The following ABCB5 variants were observed in gnomAD, a reference collection of about 807,000 sequenced individuals.
The protein encoded by ABCB5 is ATP-binding cassette sub-family B member 5.
A neutral mutation model predicts 144.2 loss-of-function variants in ABCB5; 155 were observed. The observed-to-expected ratio is 1.08, with a 90% CI of 0.94 to 1.23. The LOEUF (loss-of-function observed/expected upper bound fraction) is 1.23. Among genes scored for constraint, ABCB5 ranks in the 50% most tolerant of loss-of-function variants. The pLI, the probability that ABCB5 is intolerant of heterozygous loss-of-function variation, is 0.00. For synonymous variants in ABCB5, 610 were observed against 528.6 expected (o/e 1.15, Z -2.11); for missense variants, 1,830 against 1,520.8 (o/e 1.20, Z -3.38).
chr7:20,684,472 G>T (rs547509587), intron 15 of ABCB5, among the ~76,000 whole-genome samples: 40 of 152,246 alleles, frequency 2.6e-4, no homozygotes, highest in African/African-American at 8.7e-4. Flanking sequence ...AGCCAAACAA[G>T]GCAGGACATG....
At chr7:20,710,381 A>AAGGGGG (rs1242291728) in intron 20 of ABCB5, among the ~76,000 whole-genome samples, 1 of 56,730 alleles carries the variant, frequency 1.8e-5, no homozygotes, top group Non-Finnish European at 3.1e-5. Flanking sequence ...AAAAAAAAAA[A>AAGGGGG]GTGGGGGGGG....
intron 5 of ABCB5, among the ~76,000 whole-genome samples, chr7:20,638,525 C>A (rs1784213232): frequency 6.6e-6 from 1 of 152,166 alleles, no homozygotes; most frequent in African/African-American, 2.4e-5. Flanking sequence ...TATTCCCATG[C>A]CCAGCTTGAG....
chr7:20,693,472 A>G (rs1397606448), intron 16 of ABCB5, among the ~76,000 whole-genome samples: 1 of 152,186 alleles, frequency 6.6e-6, no homozygotes, highest in Admixed American at 6.6e-5. Context: ...TGAAATATTT[A>G]TAAACTACAT....
At chr7:20,725,029 GT>G (rs1459652894) in intron 21 of ABCB5, among the ~76,000 whole-genome samples, 4 of 152,056 alleles carry the variant, frequency 2.6e-5, no homozygotes, top group Admixed American at 6.6e-5. Context: ...GCCTAATTAT[GT>G]TTTCCTCATC....
chr7:20,692,219 G>A (rs1786253412), intron 16 of ABCB5, among the ~76,000 whole-genome samples: 2 of 151,864 alleles, frequency 1.3e-5, no homozygotes, highest in Non-Finnish European at 1.5e-5. Flanking sequence ...CAATGTTAAG[G>A]AGAAAACTAC....
chr7:20,653,646 C>T (rs559465904), intron 13 of ABCB5, among the ~76,000 whole-genome samples: 24 of 152,268 alleles, frequency 1.6e-4, no homozygotes, highest in African/African-American at 5.8e-4. Flanking sequence ...GAACACTGAG[C>T]TGAAAGGCAA....
intron 21 of ABCB5, among the ~76,000 whole-genome samples, chr7:20,725,018 G>A (rs1333162765): frequency 1.3e-5 from 2 of 151,996 alleles, no homozygotes; most frequent in Non-Finnish European, 2.9e-5. Flanking sequence ...AAATTAATGA[G>A]GCCTAATTAT....
At chr7:20,658,809 C>A in intron 14 of ABCB5, 133 bp downstream of exon 14, 1 of 1,132,776 alleles carries the variant, frequency 8.8e-7, no homozygotes, top group Non-Finnish European at 1.2e-6. Flanking sequence ...GATGTTAATC[C>A]ACTGAGAACT....
intron 15 of ABCB5, among the ~76,000 whole-genome samples, chr7:20,684,988 C>G (rs547868233): frequency 3.3e-4 from 51 of 152,286 alleles, no homozygotes; most frequent in African/African-American, 1.0e-3. Context: ...TTCAAATGAA[C>G]AGAGAATCTG....
intron 2 of ABCB5, among the ~76,000 whole-genome samples, chr7:20,624,799 A>T (rs1304091854): frequency 6.6e-6 from 1 of 152,198 alleles, no homozygotes; most frequent in African/African-American, 2.4e-5. Context: ...GCACGCTAGG[A>T]CTAGGAGCTA....
intron 5 of ABCB5, among the ~76,000 whole-genome samples, chr7:20,634,140 A>T (rs532081540): frequency 1.3e-4 from 20 of 149,738 alleles, no homozygotes; most frequent in Non-Finnish European, 2.7e-4. Flanking sequence ...TTTCTGAGTT[A>T]TTTCATTTAA....
chr7:20,616,796 T>C (rs957086696), intron 1 of ABCB5, among the ~76,000 whole-genome samples: 4 of 152,220 alleles, frequency 2.6e-5, no homozygotes, highest in Non-Finnish European at 4.4e-5. Context: ...GAGAGGAACA[T>C]GGGGGCAGCC....
chr7:20,647,967 G>T lies in ABCB5; in HGVS notation c.1096-1G>T. On this transcript the variant is annotated splice_acceptor_variant, in intron 10 of 27. Transcript: ENST00000404938. LOFTEE classifies it high-confidence loss of function. ...TATAACATTTCCTTTGTTTTTCCAA[G>T]AAACCCAGTATAGATAACTTTTCCA... 2 of 1,565,694 alleles carry T rather than the reference G, an allele frequency of 1.3e-6. No individual in the cohort carries two copies. The highest frequency in any genetic ancestry group is 1.8e-6 in the Non-Finnish European group (2 of 1,137,312).
Position 20,665,459 on chromosome 7 carries a change from G to T in ABCB5, c.1707+6783G>T, listed in dbSNP as rs187170406. ...GGTAGTTAAGAAACAAAAGGCCTAT[G>T]TTTCCCGTTCAACTACCATGGTGAC... is the stretch of plus-strand genomic sequence containing the variant. On this transcript the variant is annotated intron_variant, in intron 14 of 27. Transcript: ENST00000404938. 1.7e-3 allele frequency among the ~76,000 whole-genome samples: 253 copies of T among 152,226 alleles called. 2 individuals are homozygous for T. Among genetic ancestry groups the T allele is most frequent in the African/African-American group, 5.8e-3 (241 of 41,540 alleles).
At chr7:20,726,726 A>G (rs901368408) in intron 21 of ABCB5, among the ~76,000 whole-genome samples, 1 of 152,218 alleles carries the variant, frequency 6.6e-6, no homozygotes, top group African/African-American at 2.4e-5. Flanking sequence ...GCATGTGAAC[A>G]TAATGCTTAC....
intron 23 of ABCB5, among the ~76,000 whole-genome samples, chr7:20,731,144 G>A (rs1255004665): frequency 6.6e-6 from 1 of 151,882 alleles, no homozygotes; most frequent in Non-Finnish European, 1.5e-5. Flanking sequence ...CACAAGGTCA[G>A]GAGCTCAAGA....
chr7:20,700,286 T>C (rs1786575711), intron 19 of ABCB5, 151 bp downstream of exon 19: 2 of 675,764 alleles, frequency 3.0e-6, no homozygotes, highest in African/African-American at 3.6e-5. Flanking sequence ...ATGTCAGAAG[T>C]CTTATATTTT....
At chr7:20,710,019 C>A (rs1259408828) in intron 20 of ABCB5, among the ~76,000 whole-genome samples, 1 of 146,206 alleles carries the variant, frequency 6.8e-6, no homozygotes, top group Non-Finnish European at 1.5e-5. Flanking sequence ...AGGCCAAGAC[C>A]ATGCCACTGC....
rs765461658 is a variant in ABCB5, at chr7:20,643,538, G to T, written c.584G>T (p.Gly195Val). ...CAAAACATGTCTACTTTTTCGATTG[G>T]CCTGGCAGTTGGTTTGGTGAAGGGC... ...LFQNMSTFSI[G>V]LAVGLVKGWK... is the part of the protein sequence containing the mutation. Residue 195 changes from glycine (G) to valine (V), a missense_variant, in exon 7 of 28, where the codon GGC becomes GTC. Gly to Val is a moderately radical substitution (Grantham distance 109). Transcript: ENST00000404938. 1 of 1,613,960 alleles carries T rather than the reference G, an allele frequency of 6.2e-7. No individual in the cohort carries two copies. Among genetic ancestry groups the T allele is most frequent in the South Asian group, 1.1e-5 (1 of 91,082 alleles).
Sources: gnomAD v4.1 joint callset for allele counts (sites outside exome capture counted in the v4.1 genomes callset) on GRCh38, gnomAD v4.1.1 for gene constraint, MANE v1.5 for transcripts, NCBI Gene and HGNC (gene_info 2026-07-23, HGNC 2026-07-21) for gene names.